PRDM16: variants seen among roughly 807,000 people sequenced by gnomAD.
PRDM16 encodes PR/SET domain 16, also known as histone-lysine N-methyltransferase PRDM16.
In PRDM16, 23 loss-of-function variants were observed where a neutral mutation model predicts 110.6. The observed-to-expected ratio is 0.21, with a 90% CI of 0.15 to 0.29. The LOEUF (loss-of-function observed/expected upper bound fraction) is 0.29, where lower values mean the gene tolerates loss of function less well. Among genes scored for constraint, PRDM16 ranks in the 10% least tolerant of loss-of-function variants. The pLI, the probability that PRDM16 is intolerant of heterozygous loss-of-function variation, is 1.00. For synonymous variants in PRDM16, 799 were observed against 781.8 expected, an observed-to-expected ratio of 1.02 and a Z score of -0.37; for missense variants, 1,615 against 1,794.3, an observed-to-expected ratio of 0.90 and a Z score of 1.81.
intron 3 of PRDM16, among the ~76,000 whole-genome samples, chr1:3,312,570 G>T (rs2483262): frequency 0.18 from 27,683 of 152,248 alleles, 3,188 homozygotes; most frequent in Middle Eastern, 0.34. Context: ...GCCGGCAGGT[G>T]GGGTTCCCGG....
At chr1:3,373,671 G>A (rs903202140) in intron 3 of PRDM16, among the ~76,000 whole-genome samples, 1 of 152,174 alleles carries the variant, frequency 6.6e-6, no homozygotes, top group Non-Finnish European at 1.5e-5. Flanking sequence ...TTCTCTCCTG[G>A]GGGTGCTGGG....
chr1:3,406,764 A>C (rs1643569165), intron 8 of PRDM16, among the ~76,000 whole-genome samples: 1 of 152,014 alleles, frequency 6.6e-6, no homozygotes, highest in East Asian at 1.9e-4. Context: ...AAATAAGAGA[A>C]AGGTAAGAGG....
intron 3 of PRDM16, among the ~76,000 whole-genome samples, chr1:3,269,960 C>CCAGG (rs1640398853): frequency 7.0e-6 from 1 of 143,046 alleles, no homozygotes; most frequent in African/African-American, 2.6e-5. Context: ...GGAGGACAGT[C>CCAGG]AGAAGGAGGA....
chr1:3,288,218 C>T (rs867448770), intron 3 of PRDM16, among the ~76,000 whole-genome samples: 3 of 152,218 alleles, frequency 2.0e-5, no homozygotes, highest in Non-Finnish European at 4.4e-5. Flanking sequence ...GAAGGCTGGC[C>T]TCTGACCCTC....
chr1:3,264,639 G>C (rs912360194), intron 3 of PRDM16, among the ~76,000 whole-genome samples: 11 of 148,100 alleles, frequency 7.4e-5, no homozygotes, highest in African/African-American at 2.5e-4. Context: ...CCCGGGCCAG[G>C]AGGGGAGGAA....
intron 3 of PRDM16, among the ~76,000 whole-genome samples, chr1:3,247,810 G>A (rs1234496839): frequency 6.6e-6 from 1 of 152,254 alleles, no homozygotes; most frequent in Admixed American, 6.5e-5. Flanking sequence ...AGTCACATTG[G>A]CTGTGGGTCG....
chr1:3,245,091 G>A lies in PRDM16; in HGVS notation c.438+954G>A, dbSNP rs1639762701. On this transcript the variant is annotated intron_variant, in intron 3 of 16. Coordinates refer to ENST00000270722, the MANE Select transcript of PRDM16 (RefSeq NM_022114.4). This position sits in a 1 kb window ranked among gnomAD's most constrained non-coding sequence, Gnocchi z 4.7. ...GGCGGGGTGGGGCGGGGTGCACCAT[G>A]GGGGTTGCTGGCACAGAGGAGCCAG... Among the ~76,000 whole-genome samples, 1 of 152,158 alleles carries A rather than the reference G, an allele frequency of 6.6e-6. No homozygotes were observed. The highest frequency in any genetic ancestry group is 2.4e-5 in the African/African-American group (1 of 41,428).
intron 1 of PRDM16, among the ~76,000 whole-genome samples, chr1:3,114,420 GCACACAC>G (rs1462003182): frequency 1.4e-4 from 13 of 91,608 alleles, no homozygotes; most frequent in African/African-American, 5.4e-4. Context: ...GCACACACAT[GCACACAC>G]CAGGTGTAAA....
intron 3 of PRDM16, among the ~76,000 whole-genome samples, chr1:3,256,805 C>A (rs763349315): frequency 6.6e-6 from 1 of 152,024 alleles, no homozygotes; most frequent in African/African-American, 2.4e-5. Flanking sequence ...TGCAGTGAGC[C>A]GAGATGGCAC....
chr1:3,316,281 G>A (rs1257379267), intron 3 of PRDM16, among the ~76,000 whole-genome samples: 7 of 146,964 alleles, frequency 4.8e-5, no homozygotes, highest in Non-Finnish European at 1.1e-4. Flanking sequence ...GGTAGGGGTG[G>A]GGGTGGGGGT....
At chr1:3,401,971 G>T (rs1043745974) in intron 5 of PRDM16, among the ~76,000 whole-genome samples, 7 of 152,252 alleles carry the variant, frequency 4.6e-5, no homozygotes, top group African/African-American at 1.7e-4. Flanking sequence ...ACAAACATGG[G>T]TGTAAGTGCA....
At chr1:3,112,518 G>A (rs780564129) in intron 1 of PRDM16, among the ~76,000 whole-genome samples, 5 of 152,178 alleles carry the variant, frequency 3.3e-5, no homozygotes, top group Admixed American at 1.3e-4. Context: ...GGCCGGCTTC[G>A]CCCCAGGGCC....
At chr1:3,089,943 T>G (rs1202511024) in intron 1 of PRDM16, among the ~76,000 whole-genome samples, 1 of 152,258 alleles carries the variant, frequency 6.6e-6, no homozygotes, top group Non-Finnish European at 1.5e-5. Flanking sequence ...CATTCATTCC[T>G]GCCACAGTTC....
chr1:3,118,914 G>A (rs1643028706), intron 1 of PRDM16, among the ~76,000 whole-genome samples: 1 of 152,222 alleles, frequency 6.6e-6, no homozygotes, highest in African/African-American at 2.4e-5. Flanking sequence ...GAAAGGCCTG[G>A]GAGAGCCCCC....
In PRDM16 at chr1:3,265,989, T is replaced by C. The variant is rs1640281463; in HGVS notation, c.438+21852T>C. On this transcript the variant is annotated intron_variant, in intron 3 of 16. Transcript: ENST00000270722. This position sits in a 1 kb window ranked among gnomAD's most constrained non-coding sequence, Gnocchi z 4.5. Reference sequence around the variant, plus strand: ...CCAACTCAAGGGCCGCCCTCCAGCCTAGCGACGCCACCTGGCCCCTCTTTC... The same window carrying C: ...CCAACTCAAGGGCCGCCCTCCAGCCCAGCGACGCCACCTGGCCCCTCTTTC... 6.6e-6 allele frequency among the ~76,000 whole-genome samples: 1 copy of C among 152,098 alleles called. No individual in the cohort carries two copies. The highest frequency in any genetic ancestry group is 2.4e-5 in the African/African-American group (1 of 41,410).
At chr1:3,267,375 C>T (rs1640319458) in intron 3 of PRDM16, among the ~76,000 whole-genome samples, 1 of 152,146 alleles carries the variant, frequency 6.6e-6, no homozygotes, top group African/African-American at 2.4e-5. Context: ...AGTAATATTC[C>T]CCTGCGTGGA....
intron 3 of PRDM16, among the ~76,000 whole-genome samples, chr1:3,254,036 A>G (rs1455220749): frequency 6.6e-6 from 1 of 151,878 alleles, no homozygotes; most frequent in Non-Finnish European, 1.5e-5. Context: ...CATGTCCTTC[A>G]CCCACTTTTT....
chr1:3,101,877 C>G (rs970889219), intron 1 of PRDM16, among the ~76,000 whole-genome samples: 4 of 152,234 alleles, frequency 2.6e-5, no homozygotes. Context: ...CGGAGACCCC[C>G]AGTCCCAGCT....
chr1:3,335,024 G>A (rs917790092), intron 3 of PRDM16, among the ~76,000 whole-genome samples: 12 of 152,302 alleles, frequency 7.9e-5, no homozygotes, highest in Admixed American at 5.2e-4. Flanking sequence ...CGCCAGCCCC[G>A]CCATGTCAAG....
Sources: gnomAD v4.1 joint callset for allele counts (sites outside exome capture counted in the v4.1 genomes callset) on GRCh38, gnomAD v4.1.1 for gene constraint, Gnocchi (gnomAD v3.1) non-coding constraint, MANE v1.5 for transcripts, NCBI Gene and HGNC (gene_info 2026-07-23, HGNC 2026-07-21) for gene names.